KCNIP4: variants seen among roughly 807,000 people sequenced by gnomAD.
The protein encoded by KCNIP4 is Kv channel-interacting protein 4.
KCNIP4 carries 12 observed loss-of-function variants against 34.0 expected under a neutral mutation model. That is an observed-to-expected ratio of 0.35 (90% CI 0.23 to 0.57). The LOEUF (loss-of-function observed/expected upper bound fraction) is 0.57. Ranked by LOEUF, KCNIP4 falls within the 20% of genes least tolerant of loss-of-function variation. KCNIP4 has a pLI of 0.83. For missense variants in KCNIP4, 238 were observed against 311.7 expected (o/e 0.76, Z 1.78); for synonymous variants, 124 against 102.2 (o/e 1.21, Z -1.29).
chr4:20,875,234 T>G (rs1191231273), intron 2 of KCNIP4, among the ~76,000 whole-genome samples: 1 of 152,204 alleles, frequency 6.6e-6, no homozygotes, highest in East Asian at 1.9e-4. Context: ...ACCAGAACGT[T>G]GAACGTAACT....
At chr4:21,680,597 C>G (rs899225985) in intron 1 of KCNIP4, among the ~76,000 whole-genome samples, 1 of 152,206 alleles carries the variant, frequency 6.6e-6, no homozygotes, top group Non-Finnish European at 1.5e-5. Context: ...AAAAGTGCTT[C>G]TTCAGTAATA....
At chr4:21,801,144 G>T (rs1270116586) in intron 1 of KCNIP4, among the ~76,000 whole-genome samples, 3 of 152,166 alleles carry the variant, frequency 2.0e-5, no homozygotes, top group African/African-American at 4.8e-5. Context: ...GTGTGAGAGA[G>T]AACATATTCT....
intron 3 of KCNIP4, among the ~76,000 whole-genome samples, chr4:20,804,796 G>A (rs1293866738): frequency 4.6e-5 from 7 of 152,264 alleles, no homozygotes; most frequent in African/African-American, 1.7e-4. Flanking sequence ...GTTGGATAAC[G>A]GAAACAACTG....
At chr4:21,333,957 A>G (rs1715909328) in intron 1 of KCNIP4, among the ~76,000 whole-genome samples, 1 of 152,196 alleles carries the variant, frequency 6.6e-6, no homozygotes, top group South Asian at 2.1e-4. Context: ...GATTACAGGA[A>G]GTAATAAGCA....
chr4:21,205,550 A>T (rs1264716956), intron 1 of KCNIP4, among the ~76,000 whole-genome samples: 3 of 152,234 alleles, frequency 2.0e-5, no homozygotes, highest in African/African-American at 7.2e-5. Context: ...ACTTCTACTA[A>T]GAATGTAGCT....
At position 21,093,337 on chromosome 4, in the gene KCNIP4, G is replaced by A. The variant is rs560449299; in HGVS notation, c.62-210628C>T. 8.0e-4 allele frequency among the ~76,000 whole-genome samples: 122 copies of A among 152,232 alleles called. 4 individuals are homozygous for A. The South Asian group carries it at 0.025, about 31-fold the overall frequency. On this transcript the variant is annotated intron_variant, in intron 1 of 8. Transcript: ENST00000382152. ...TTACAATTACAATGTGACTTTACTC[G>A]TATTCCAGTAATGAAAGCATTTACT...
At chr4:21,189,612 G>C (rs891207873) in intron 1 of KCNIP4, among the ~76,000 whole-genome samples, 1 of 152,134 alleles carries the variant, frequency 6.6e-6, no homozygotes, top group African/African-American at 2.4e-5. Context: ...TAGGTGTGTA[G>C]GGAAGCAAAG....
intron 1 of KCNIP4, among the ~76,000 whole-genome samples, chr4:21,940,776 C>T (rs1730162092): frequency 6.6e-6 from 1 of 152,232 alleles, no homozygotes; most frequent in East Asian, 1.9e-4. Context: ...AACTTCTCTC[C>T]AAATTTAACT....
At chr4:20,973,582 T>C (rs762735371) in intron 1 of KCNIP4, among the ~76,000 whole-genome samples, 2 of 152,222 alleles carry the variant, frequency 1.3e-5, no homozygotes, top group Non-Finnish European at 2.9e-5. Context: ...ACAATTTGGC[T>C]AACTGGCCCA....
chr4:21,023,314 C>G (rs1740239030), intron 1 of KCNIP4, among the ~76,000 whole-genome samples: 1 of 151,856 alleles, frequency 6.6e-6, no homozygotes, highest in Non-Finnish European at 1.5e-5. Context: ...TAAAAAGAAC[C>G]ATCTGGAAAT....
intron 1 of KCNIP4, among the ~76,000 whole-genome samples, chr4:21,228,931 C>T (rs544957880): frequency 6.6e-6 from 1 of 152,160 alleles, no homozygotes; most frequent in African/African-American, 2.4e-5. Flanking sequence ...TCTGAACACA[C>T]CATTACTCTG....
At chr4:21,505,295 A>G (rs1733747890) in intron 1 of KCNIP4, among the ~76,000 whole-genome samples, 1 of 152,134 alleles carries the variant, frequency 6.6e-6, no homozygotes, top group Non-Finnish European at 1.5e-5. Flanking sequence ...AGATCAAGCC[A>G]AACTCAGAAC....
At chr4:21,627,914 A>G (rs1745450021) in intron 1 of KCNIP4, among the ~76,000 whole-genome samples, 1 of 152,162 alleles carries the variant, frequency 6.6e-6, no homozygotes, top group African/African-American at 2.4e-5. Context: ...TGGGAGGAAA[A>G]GATTTCCAAA....
At chr4:21,617,170 T>C (rs1237059809) in intron 1 of KCNIP4, among the ~76,000 whole-genome samples, 5 of 152,234 alleles carry the variant, frequency 3.3e-5, no homozygotes, top group Admixed American at 2.0e-4. Flanking sequence ...GGTTGTGTAC[T>C]GTGCCTTCTT....
At chr4:21,488,260 C>G (rs115975849) in intron 1 of KCNIP4, among the ~76,000 whole-genome samples, 468 of 152,154 alleles carry the variant, frequency 3.1e-3, no homozygotes, top group African/African-American at 0.011. Context: ...CCATAACCTC[C>G]CACTCCAACT....
At chr4:20,894,786 A>T (rs1184482817) in intron 1 of KCNIP4, among the ~76,000 whole-genome samples, 2 of 152,232 alleles carry the variant, frequency 1.3e-5, no homozygotes, top group African/African-American at 4.8e-5. Flanking sequence ...ACAAGAAATG[A>T]ATTAAACAAT....
Position 21,712,701 on chromosome 4 carries a change from G to A in KCNIP4, c.61+235870C>T, listed in dbSNP as rs182182262. On this transcript the variant is annotated intron_variant, in intron 1 of 8. Coordinates refer to ENST00000382152, the MANE Select transcript of KCNIP4 (RefSeq NM_025221.6). Reference sequence around the variant, plus strand: ...ACTCATTTCCATACACGTTTACTCCGGCACCTATAGCATAGATCAATGCTA... The same window carrying A: ...ACTCATTTCCATACACGTTTACTCCAGCACCTATAGCATAGATCAATGCTA... Among the ~76,000 whole-genome samples, 10 of 151,890 alleles carry A rather than the reference G, an allele frequency of 6.6e-5. No individual in the cohort carries two copies. In the East Asian group the frequency reaches 1.4e-3, roughly 21 times the overall value.
intron 1 of KCNIP4, among the ~76,000 whole-genome samples, chr4:21,927,309 G>A (rs1227357260): frequency 6.6e-6 from 1 of 152,048 alleles, no homozygotes; most frequent in African/African-American, 2.4e-5. Flanking sequence ...CATTTGAGGC[G>A]ACATATTCAC....
At chr4:21,692,018 A>G (rs943687868) in intron 1 of KCNIP4, among the ~76,000 whole-genome samples, 2 of 152,008 alleles carry the variant, frequency 1.3e-5, no homozygotes, top group African/African-American at 4.8e-5. Flanking sequence ...CTTTCTATGA[A>G]CATGAGCTCC....
Sources: allele counts gnomAD v4.1 joint callset (sites outside exome capture counted in the v4.1 genomes callset), GRCh38; gene constraint gnomAD v4.1.1; transcripts MANE v1.5; gene names NCBI Gene and HGNC (gene_info 2026-07-23, HGNC 2026-07-21).